Variants in TCAIM observed in about 807,000 individuals in gnomAD.
The protein encoded by TCAIM is T cell activation inhibitor, mitochondrial.
In TCAIM, 36 loss-of-function variants were observed where a neutral mutation model predicts 58.6. The ratio of observed to expected loss-of-function variants is 0.61; its 90% CI spans 0.47 to 0.81. The LOEUF is 0.81. Among genes scored for constraint, TCAIM ranks in the 30% least tolerant of loss-of-function variants. The probability of loss-of-function intolerance (pLI) is 0.00; values close to 1 mark genes in which losing one functional copy is unlikely to be tolerated. For missense variants in TCAIM, 466 were observed against 579.6 expected (o/e 0.80, Z 2.01); for synonymous variants, 172 against 193.6 (o/e 0.89, Z 0.93).
intron 5 of TCAIM, among the ~76,000 whole-genome samples, chr3:44,376,205 A>G (rs1460776008): frequency 2.6e-5 from 4 of 152,206 alleles, no homozygotes; most frequent in African/African-American, 9.7e-5. Context: ...TTCTTATTCA[A>G]GTGATGAAAG....
chr3:44,368,129 A>G (rs187822048), intron 5 of TCAIM, among the ~76,000 whole-genome samples: 3 of 152,352 alleles, frequency 2.0e-5, no homozygotes, highest in East Asian at 3.8e-4. Flanking sequence ...CTTTAGTGTA[A>G]TAATCCATAC....
In TCAIM at chr3:44,347,464, A is replaced by G. The variant is rs1205069543; in HGVS notation, c.-44-7275A>G. ...TCAGGGTCAGTCCAGGTAAAAGCAAAGGGGCTGGGAGGAGGAGTGCAGGGG... is the reference window on the plus strand; with the variant it reads ...TCAGGGTCAGTCCAGGTAAAAGCAAGGGGGCTGGGAGGAGGAGTGCAGGGG... On this transcript the variant is annotated intron_variant, in intron 1 of 10. Coordinates refer to ENST00000342649, the MANE Select transcript of TCAIM (RefSeq NM_173826.4). 3.3e-5 allele frequency among the ~76,000 whole-genome samples: 5 copies of G among 152,294 alleles called. No homozygotes were observed. In the East Asian group the frequency reaches 9.7e-4, roughly 29 times the overall value.
At chr3:44,359,226 A>C (rs1018733214) in intron 3 of TCAIM, 1 of 350,400 alleles carries the variant, frequency 2.9e-6, no homozygotes, top group African/African-American at 2.2e-5. Flanking sequence ...TAAATTTAAA[A>C]AACAAACAAC....
At chr3:44,364,931 T>C (rs1701350435) in intron 4 of TCAIM, among the ~76,000 whole-genome samples, 1 of 152,160 alleles carries the variant, frequency 6.6e-6, no homozygotes, top group Admixed American at 6.5e-5. Flanking sequence ...CAGCTTGGAA[T>C]TCTCTCCCCA....
intron 1 of TCAIM, among the ~76,000 whole-genome samples, chr3:44,343,318 T>C (rs1700894429): frequency 6.6e-6 from 1 of 152,122 alleles, no homozygotes; most frequent in African/African-American, 2.4e-5. Context: ...TTCCTAACCA[T>C]TATGCAAACT....
intron 1 of TCAIM, among the ~76,000 whole-genome samples, chr3:44,353,094 A>T (rs371282787): frequency 6.6e-6 from 1 of 151,342 alleles, no homozygotes. Flanking sequence ...TAATTTTTGT[A>T]TTTTTTAGTA....
Position 44,370,968 on chromosome 3 carries a change from A to G in TCAIM, c.572+3260A>G, listed in dbSNP as rs184418361. Among the ~76,000 whole-genome samples the G allele has an allele frequency of 2.0e-3, 292 of 148,276 alleles. 5 individuals are homozygous for G. The highest frequency in any genetic ancestry group is 0.016 in the East Asian group (79 of 5,026). On this transcript the variant is annotated intron_variant, in intron 5 of 10. Transcript: ENST00000342649. ...ACTCTGTTGCCCAGGCTGGAGTGCA[A>G]TGGCCCTATCTCGGCTCACTGCAAC...
intron 2 of TCAIM, among the ~76,000 whole-genome samples, chr3:44,356,860 C>G (rs945493009): frequency 2.0e-5 from 3 of 151,492 alleles, no homozygotes; most frequent in African/African-American, 7.3e-5. Flanking sequence ...CCTGTAGTCC[C>G]AGCTACTCGG....
intron 10 of TCAIM, among the ~76,000 whole-genome samples, chr3:44,401,968 G>A (rs1355805217): frequency 6.6e-6 from 1 of 152,102 alleles, no homozygotes; most frequent in East Asian, 1.9e-4. Context: ...AGGAGGCAGA[G>A]GTTGCAGTGA....
chr3:44,398,561 A>G (rs947266244), intron 8 of TCAIM, among the ~76,000 whole-genome samples: 1 of 152,208 alleles, frequency 6.6e-6, no homozygotes, highest in Admixed American at 6.5e-5. Context: ...TTACATGCTG[A>G]TAAGAATGCA....
At chr3:44,339,395 C>A (rs1429052880) in intron 1 of TCAIM, among the ~76,000 whole-genome samples, 1 of 152,168 alleles carries the variant, frequency 6.6e-6, no homozygotes, top group Admixed American at 6.5e-5. Flanking sequence ...AAAGCTCAAT[C>A]CTGAGAGCTC....
chr3:44,360,725 C>T (rs1208847801), intron 3 of TCAIM, among the ~76,000 whole-genome samples: 2 of 151,968 alleles, frequency 1.3e-5, no homozygotes, highest in African/African-American at 4.8e-5. Context: ...CCTACCTCAG[C>T]CTCCTGAGTA....
intron 4 of TCAIM, among the ~76,000 whole-genome samples, chr3:44,366,506 C>G (rs1455154564): frequency 6.8e-6 from 1 of 148,056 alleles, no homozygotes; most frequent in Admixed American, 6.7e-5. Context: ...CGCTCTGTCA[C>G]CCAGGTTGGA....
chr3:44,363,263 T>C (rs1701320474), intron 4 of TCAIM, among the ~76,000 whole-genome samples: 1 of 152,210 alleles, frequency 6.6e-6, no homozygotes, highest in Non-Finnish European at 1.5e-5. Flanking sequence ...CCTAGTCCAG[T>C]GTTTTGATTT....
intron 1 of TCAIM, among the ~76,000 whole-genome samples, chr3:44,343,941 G>A (rs1700908650): frequency 6.6e-6 from 1 of 151,696 alleles, no homozygotes; most frequent in Non-Finnish European, 1.5e-5. Context: ...GCGATTAGTG[G>A]ATGAATGTAT....
chr3:44,348,739 A>G (rs1293481020), intron 1 of TCAIM, among the ~76,000 whole-genome samples: 5 of 152,218 alleles, frequency 3.3e-5, no homozygotes, highest in Non-Finnish European at 7.3e-5. Context: ...TATTGAGAAT[A>G]AGATGGCCTT....
chr3:44,399,088 A>G (rs1701983754), intron 8 of TCAIM, among the ~76,000 whole-genome samples: 1 of 152,218 alleles, frequency 6.6e-6, no homozygotes, highest in African/African-American at 2.4e-5. Context: ...TGACTGTGGC[A>G]GTGTCACACG....
chr3:44,368,552 T>A (rs1701416775), intron 5 of TCAIM, among the ~76,000 whole-genome samples: 1 of 152,248 alleles, frequency 6.6e-6, no homozygotes, highest in South Asian at 2.1e-4. Flanking sequence ...AAGACGTGTA[T>A]GTATGTACCT....
chr3:44,408,603 A>T lies in TCAIM; in HGVS notation c.*921A>T, dbSNP rs978502072. The stretch of plus-strand genomic sequence containing the variant: ...TGTTTTTTAATCATTTAGTGAGGTG[A>T]TTCATTTGTTTCATGGGCAAACACT... On this transcript the variant is annotated 3_prime_UTR_variant, in exon 11 of 11. Coordinates refer to ENST00000342649, the MANE Select transcript of TCAIM (RefSeq NM_173826.4). 3 of 152,138 alleles carry T rather than the reference A, an allele frequency of 2.0e-5. No homozygotes were observed. Among genetic ancestry groups the T allele is most frequent in the African/African-American group, 7.2e-5 (3 of 41,436 alleles). The allele number at this position is 152,138 out of a possible 1,614,324, so 9.4% of individuals were successfully genotyped here. A position where few individuals can be genotyped will look rare whatever the true frequency, so the allele number is the denominator to read the frequency against.
Sources: gnomAD v4.1 joint callset for allele counts (sites outside exome capture counted in the v4.1 genomes callset) on GRCh38, gnomAD v4.1.1 for gene constraint, MANE v1.5 for transcripts, NCBI Gene and HGNC (gene_info 2026-07-23, HGNC 2026-07-21) for gene names.